Variants in TEKTL1 observed in about 807,000 individuals in gnomAD.
The protein encoded by TEKTL1 is tektin-like protein 1.
the TEKTL1 span, among the ~76,000 whole-genome samples, chr19:15,012,654 C>T: frequency 2.0e-5 from 3 of 152,048 alleles, no homozygotes; most frequent in African/African-American, 7.2e-5. Flanking sequence ...AGATGAGATC[C>T]TCAGCTTCCC....
the TEKTL1 span, among the ~76,000 whole-genome samples, chr19:15,015,267 A>G: frequency 6.6e-6 from 1 of 152,210 alleles, no homozygotes; most frequent in South Asian, 2.1e-4. Flanking sequence ...CCTAGTCTGA[A>G]TATTGCTGGA....
chr19:15,014,724 G>C, the TEKTL1 span, among the ~76,000 whole-genome samples: 38 of 128,728 alleles, frequency 3.0e-4, no homozygotes, highest in East Asian at 5.3e-4. Context: ...GAGACTCAGT[G>C]GGGGGGCGGG....
At chr19:15,022,996 C>G in the TEKTL1 span, 1 of 1,613,150 alleles carries the variant, frequency 6.2e-7, no homozygotes, top group South Asian at 1.1e-5. Context: ...TGGACGGCAA[C>G]GTGGTGCGCC....
the TEKTL1 span, chr19:15,023,114 C>T: frequency 1.9e-6 from 3 of 1,595,750 alleles, no homozygotes; most frequent in Admixed American, 3.5e-5. Context: ...CAGCGCGGAC[C>T]CCTAGTGACC....
the TEKTL1 span, chr19:15,022,856 C>T: frequency 6.3e-7 from 1 of 1,576,836 alleles, no homozygotes. Context: ...CGGGTCTGCC[C>T]TGCTCCCTAT....
the TEKTL1 span, chr19:15,021,526 G>T: frequency 1.2e-6 from 2 of 1,613,860 alleles, no homozygotes; most frequent in Non-Finnish European, 1.7e-6. Flanking sequence ...GAAGGTGAGC[G>T]CATTACCTGC....
At chr19:15,013,761 A>C in the TEKTL1 span, 1 of 1,612,466 alleles carries the variant, frequency 6.2e-7, no homozygotes, top group Non-Finnish European at 8.5e-7. Context: ...TGGAAAAATC[A>C]GAGGTCCTAC....
the TEKTL1 span, among the ~76,000 whole-genome samples, chr19:15,022,367 C>T: frequency 6.6e-6 from 1 of 152,056 alleles, no homozygotes; most frequent in Admixed American, 6.6e-5. Context: ...CTCGCTCTGT[C>T]GCCCAGGCTG....
the TEKTL1 span, chr19:15,022,745 C>A: frequency 1.0e-6 from 1 of 974,402 alleles, no homozygotes; most frequent in Non-Finnish European, 1.5e-6. Flanking sequence ...CCAGGCACAC[C>A]TGGCCCATTC....
chr19:15,017,943 C>T, the TEKTL1 span, among the ~76,000 whole-genome samples: 1 of 152,138 alleles, frequency 6.6e-6, no homozygotes, highest in Non-Finnish European at 1.5e-5. Flanking sequence ...ACCTGTAATT[C>T]CAATACTTTG....
At chr19:15,023,032 C>A in the TEKTL1 span, 2 of 1,612,592 alleles carry the variant, frequency 1.2e-6, no homozygotes, top group Non-Finnish European at 1.7e-6. Flanking sequence ...GGCAACCGCA[C>A]GTGTGCTACG....
At chr19:15,011,000 G>A in the TEKTL1 span, 1 of 1,589,928 alleles carries the variant, frequency 6.3e-7, no homozygotes, top group Non-Finnish European at 8.5e-7. Context: ...CCCGAACGTG[G>A]CCCACCACCT....
At chr19:15,010,892 G>C in the TEKTL1 span, 2 of 1,566,080 alleles carry the variant, frequency 1.3e-6, no homozygotes, top group Non-Finnish European at 1.7e-6. Flanking sequence ...AGCATGGCGC[G>C]AGGCAGCTCA....
At chr19:15,022,724 T>TC in the TEKTL1 span, 4 of 783,374 alleles carry the variant, frequency 5.1e-6, no homozygotes, top group Middle Eastern at 3.5e-4. Flanking sequence ...CTGTCGCGGT[T>TC]TTTTTTTTTT....
chr19:15,015,744 T>C, the TEKTL1 span, among the ~76,000 whole-genome samples: 1,800 of 152,280 alleles, frequency 0.012, 26 homozygotes, highest in African/African-American at 0.04. Flanking sequence ...CAGGTAAAAT[T>C]AATCTCCAAG....
chr19:15,011,390 GAGA>G, the TEKTL1 span: 1 of 1,428,698 alleles, frequency 7.0e-7, no homozygotes, highest in African/African-American at 1.5e-5. Context: ...GCCCAAGTCT[GAGA>G]AGGTGGGACC....
the TEKTL1 span, chr19:15,023,021 CG>C: frequency 1.9e-6 from 3 of 1,612,730 alleles, no homozygotes; most frequent in Non-Finnish European, 2.5e-6. Flanking sequence ...CCTGCGCCAG[CG>C]GCAACCGCAC....
At chr19:15,023,043 A>AGCAGGC in the TEKTL1 span, 1,305 of 1,612,136 alleles carry the variant, frequency 8.1e-4, 1 homozygote, top group Non-Finnish European at 9.7e-4. Context: ...GTGTGCTACG[A>AGCAGGC]GCAGGCGCAG....
At chr19:15,013,779 TA>T in the TEKTL1 span, 13 of 1,601,916 alleles carry the variant, frequency 8.1e-6, no homozygotes, top group African/African-American at 2.7e-5. Context: ...TACTCAAGGT[TA>T]GGGGTGCCTG....
Sources: allele counts gnomAD v4.1 joint callset (sites outside exome capture counted in the v4.1 genomes callset), GRCh38; gene constraint gnomAD v4.1.1; transcripts MANE v1.5; gene names NCBI Gene and HGNC (gene_info 2026-07-23, HGNC 2026-07-21).